The following CDH13 variants were observed in gnomAD, a reference collection of about 807,000 sequenced individuals.
The protein encoded by CDH13 is cadherin 13, also known as cadherin-13.
Under a neutral mutation model 63.8 loss-of-function variants are expected in CDH13, and 24 were observed. The observed-to-expected ratio is 0.38, with a 90% CI of 0.27 to 0.53. The LOEUF is 0.53. CDH13 is among the 20% of genes least tolerant of loss of function. The probability of loss-of-function intolerance (pLI) is 0.85; values close to 1 mark genes in which losing one functional copy is unlikely to be tolerated. For missense variants in CDH13, 1,049 were observed against 903.1 expected, an observed-to-expected ratio of 1.16 and a Z score of -2.07; for synonymous variants, 503 against 355.3, an observed-to-expected ratio of 1.42 and a Z score of -4.67.
intron 1 of CDH13, among the ~76,000 whole-genome samples, chr16:82,635,298 C>T (rs1262735692): frequency 1.3e-5 from 2 of 152,204 alleles, no homozygotes; most frequent in East Asian, 1.9e-4. Context: ...TCCCTGACAA[C>T]CTGATGCTTC....
chr16:83,648,353 A>G (rs1175870367), intron 8 of CDH13, among the ~76,000 whole-genome samples: 1 of 152,178 alleles, frequency 6.6e-6, no homozygotes. Context: ...CTTTGATTCA[A>G]CGCAAGTTTG....
intron 8 of CDH13, among the ~76,000 whole-genome samples, chr16:83,646,716 C>CAA: frequency 1.2e-5 from 1 of 85,204 alleles, no homozygotes; most frequent in Non-Finnish European, 2.6e-5. Context: ...AAAAAAAACA[C>CAA]ACACACACAC....
chr16:83,122,435 A>G (rs1324546795), intron 3 of CDH13, among the ~76,000 whole-genome samples: 1 of 152,242 alleles, frequency 6.6e-6, no homozygotes, highest in African/African-American at 2.4e-5. Flanking sequence ...AATATGAGTT[A>G]CGCATAGAGC....
intron 6 of CDH13, among the ~76,000 whole-genome samples, chr16:83,436,872 C>T (rs1480524197): frequency 2.0e-5 from 3 of 152,096 alleles, no homozygotes; most frequent in African/African-American, 4.8e-5. Flanking sequence ...TGGTAGGGCT[C>T]TTTATGGATA....
At chr16:82,634,307 T>C (rs1490085619) in intron 1 of CDH13, among the ~76,000 whole-genome samples, 2 of 152,216 alleles carry the variant, frequency 1.3e-5, no homozygotes, top group Non-Finnish European at 2.9e-5. Flanking sequence ...GGAACCGCTT[T>C]CTTGTGTTGT....
intron 7 of CDH13, among the ~76,000 whole-genome samples, chr16:83,550,570 A>G (rs921720375): frequency 6.6e-6 from 1 of 152,220 alleles, no homozygotes; most frequent in East Asian, 1.9e-4. Context: ...GCAAACCAGC[A>G]TGGTGGGGGA....
At chr16:83,432,361 T>A (rs1340293488) in intron 6 of CDH13, among the ~76,000 whole-genome samples, 1 of 152,170 alleles carries the variant, frequency 6.6e-6, no homozygotes, top group Non-Finnish European at 1.5e-5. Flanking sequence ...TCTACCCCAA[T>A]GGTAGTTAAT....
intron 5 of CDH13, among the ~76,000 whole-genome samples, chr16:83,339,302 CAACTGT>C (rs2090670632): frequency 6.6e-6 from 1 of 152,134 alleles, no homozygotes; most frequent in Non-Finnish European, 1.5e-5. Context: ...GATAAACATG[CAACTGT>C]ATTTATCATA....
chr16:83,508,110 A>AGG lies in CDH13; in HGVS notation c.960+21455_960+21456insGG, dbSNP rs1476708476. 5.9e-3 allele frequency among the ~76,000 whole-genome samples: 251 copies of AGG among 42,310 alleles called. 1 individual carries two copies. The highest frequency in any genetic ancestry group is 0.01 in the African/African-American group (94 of 9,016). 27.8% of individuals were successfully genotyped at this position (42,310 alleles called of 152,430 possible). On this transcript the variant is annotated intron_variant, in intron 7 of 13. Transcript: ENST00000567109. ...AAGGAAGGAAGGAAAGAAGGAAGGA[A>AGG]AAGGAAGGAAGGGAGGAAGGAAAGG...
intron 2 of CDH13, among the ~76,000 whole-genome samples, chr16:83,005,119 C>G (rs1324226041): frequency 6.6e-6 from 1 of 152,136 alleles, no homozygotes; most frequent in African/African-American, 2.4e-5. Flanking sequence ...AACTAAGTAG[C>G]CAGGTACCTG....
chr16:82,645,679 G>A (rs569576757), intron 1 of CDH13, among the ~76,000 whole-genome samples: 10 of 152,222 alleles, frequency 6.6e-5, no homozygotes, highest in African/African-American at 2.4e-4. Context: ...ATCTTATCCT[G>A]TTATTACTAG....
At position 83,244,008 on chromosome 16, in the gene CDH13, C is replaced by A. The variant is rs561952598; in HGVS notation, c.636+26511C>A. ...CTTTCATGGAACCATATAAATTCATCTCTCTAGAAACGAAGAATTCTAACG... is the reference window on the plus strand; with the variant it reads ...CTTTCATGGAACCATATAAATTCATATCTCTAGAAACGAAGAATTCTAACG... On this transcript the variant is annotated intron_variant, in intron 5 of 13. Coordinates refer to ENST00000567109, the MANE Select transcript of CDH13 (RefSeq NM_001257.5). Among the ~76,000 whole-genome samples the A allele has an allele frequency of 5.3e-5, 8 of 152,242 alleles. No homozygotes were observed. The East Asian group carries it at 1.5e-3, about 29-fold the overall frequency.
rs187248017 is a variant in CDH13, at chr16:83,409,686, A to T, written c.781+64680A>T. On this transcript the variant is annotated intron_variant, in intron 6 of 13. Transcript: ENST00000567109. ...CTCTTCAAAATGGCATCTCCCACAC[A>T]TGAAACTTCCTCCTTGATTATATCA... Among the ~76,000 whole-genome samples the T allele has an allele frequency of 5.0e-3, 756 of 152,332 alleles. 28 individuals are homozygous for T. Among genetic ancestry groups the T allele is most frequent in the Non-Finnish European group, 7.8e-4 (53 of 68,030 alleles).
rs574828848 is a variant in CDH13 at position 83,653,850 on chromosome 16, T to C, written c.1102-16940T>C. On this transcript the variant is annotated intron_variant, in intron 8 of 13. Coordinates refer to ENST00000567109, the MANE Select transcript of CDH13 (RefSeq NM_001257.5). ...CTCCTATGGTTTGTCCGCTGCTGTG[T>C]CCGGCATTAAGAAAGGCGCTCAGCA... Among the ~76,000 whole-genome samples the C allele has an allele frequency of 1.4e-3, 213 of 152,316 alleles. 1 individual carries two copies. The highest frequency in any genetic ancestry group is 3.9e-3 in the South Asian group (19 of 4,828).
chr16:82,657,524 A>G (rs1280039952), intron 1 of CDH13, among the ~76,000 whole-genome samples: 1 of 152,208 alleles, frequency 6.6e-6, no homozygotes, highest in Non-Finnish European at 1.5e-5. Flanking sequence ...AAACTTATGA[A>G]TTATTTTTGG....
chr16:83,050,923 G>A (rs1359615063), intron 3 of CDH13, among the ~76,000 whole-genome samples: 4 of 152,112 alleles, frequency 2.6e-5, no homozygotes, highest in Non-Finnish European at 4.4e-5. Context: ...CACCTGGGAG[G>A]TCAGTGGTAC....
chr16:82,803,157 C>G (rs567077281), intron 1 of CDH13, among the ~76,000 whole-genome samples: 6 of 152,214 alleles, frequency 3.9e-5, no homozygotes, highest in African/African-American at 1.2e-4. Context: ...TCTCACTGAC[C>G]CTGGATAGGT....
chr16:82,756,102 A>G (rs544319903), intron 1 of CDH13, among the ~76,000 whole-genome samples: 8 of 152,326 alleles, frequency 5.3e-5, no homozygotes, highest in Admixed American at 2.6e-4. Flanking sequence ...AAAATGTTCA[A>G]TGTGTAAACT....
chr16:82,643,503 C>T (rs1248066322), intron 1 of CDH13, among the ~76,000 whole-genome samples: 2 of 152,234 alleles, frequency 1.3e-5, no homozygotes, highest in South Asian at 2.1e-4. Context: ...CTAATTCCTT[C>T]TGGCTACACT....
Sources: gnomAD v4.1 joint callset for allele counts (sites outside exome capture counted in the v4.1 genomes callset) on GRCh38, gnomAD v4.1.1 for gene constraint, MANE v1.5 for transcripts, NCBI Gene and HGNC (gene_info 2026-07-23, HGNC 2026-07-21) for gene names.